RPA3: variants seen among roughly 807,000 people sequenced by gnomAD.
RPA3 encodes the protein replication protein A 14 kDa subunit.
Under a neutral mutation model 13.7 loss-of-function variants are expected in RPA3, and 24 were observed. That is an observed-to-expected ratio of 1.75 (90% confidence interval 1.27 to 2.46). The LOEUF (loss-of-function observed/expected upper bound fraction) is 2.46. Ranked by LOEUF, RPA3 falls within the 30% of genes most tolerant of loss-of-function variation. The pLI is 0.00. For synonymous variants in RPA3, 59 were observed against 51.2 expected, an observed-to-expected ratio of 1.15 and a Z score of -0.65; for missense variants, 183 against 151.0, an observed-to-expected ratio of 1.21 and a Z score of -1.11.
In RPA3 at chr7:7,641,171, TC is replaced by T. The variant is rs1308589900; in HGVS notation, c.-754del. On this transcript the variant is annotated 5_prime_UTR_variant, in exon 5 of 8. An upstream open reading frame in the 5' UTR gains an earlier in-frame stop. Coordinates refer to ENST00000223129, the MANE Select transcript of RPA3 (RefSeq NM_002947.5). ...GCGTCACTCTACTTTCTCCACTTTC[TC>T]CACCTGTAAGAAGAGAGATTGATCC... The T allele has an allele frequency of 2.0e-5, 3 of 152,292 alleles. No individual in the cohort carries two copies. The highest frequency in any genetic ancestry group is 6.5e-5 in the Admixed American group (1 of 15,282). 9.4% of individuals were successfully genotyped at this position (152,292 alleles called of 1,614,324 possible).
At chr7:7,693,857 T>C (rs965534111) in intron 2 of RPA3, among the ~76,000 whole-genome samples, 1 of 152,188 alleles carries the variant, frequency 6.6e-6, no homozygotes, top group Non-Finnish European at 1.5e-5. Context: ...TAATTTTTCC[T>C]CTGTGGTGGG....
chr7:7,691,734 C>T (rs1374380870), intron 2 of RPA3, among the ~76,000 whole-genome samples: 1 of 152,030 alleles, frequency 6.6e-6, no homozygotes, highest in African/African-American at 2.4e-5. Flanking sequence ...CTGACAAATC[C>T]CTAATTTATT....
intron 4 of RPA3, among the ~76,000 whole-genome samples, chr7:7,643,712 A>C (rs1017921964): frequency 2.0e-5 from 1 of 50,814 alleles, no homozygotes; most frequent in African/African-American, 9.2e-5. Context: ...ACTCCCTCTC[A>C]AAAAAAAAAA....
chr7:7,637,224 C>T, intron 7 of RPA3, 142 bp from the exon 8 acceptor site: 2 of 646,662 alleles, frequency 3.1e-6, no homozygotes, highest in South Asian at 3.8e-5. Context: ...ATTATGGATT[C>T]TTGTATTTAA....
chr7:7,640,055 C>T, intron 5 of RPA3: 1 of 481,130 alleles, frequency 2.1e-6, no homozygotes, highest in Non-Finnish European at 3.7e-6. Context: ...TTATAATTTC[C>T]CTTACGTAAG....
chr7:7,672,021 C>A (rs1323215599), intron 4 of RPA3, among the ~76,000 whole-genome samples: 1 of 152,070 alleles, frequency 6.6e-6, no homozygotes, highest in Non-Finnish European at 1.5e-5. Context: ...GGTTCATATC[C>A]TTCTCTGATC....
At chr7:7,676,730 C>T (rs990065935) in intron 4 of RPA3, among the ~76,000 whole-genome samples, 2 of 151,862 alleles carry the variant, frequency 1.3e-5, no homozygotes, top group African/African-American at 4.8e-5. Context: ...TTTCAGAAAA[C>T]TCCTTGATGA....
Position 7,639,035 on chromosome 7 carries a change from TAATATATAAGAGACTTATTAACACTTA to T in RPA3, c.174+8_174+34del. ...CCAAATCAAGATGAAGAATTAACTA[TAATATATAAGAGACTTATTAACACTTA>T]AACATACGGGTTCCATCAACTCGAT... On this transcript the variant is annotated splice_region_variant and intron_variant, in intron 6 of 7. Transcript: ENST00000223129. The T allele has an allele frequency of 6.8e-7, 1 of 1,465,586 alleles. No individual in the cohort carries two copies. The highest frequency in any genetic ancestry group is 9.2e-7 in the Non-Finnish European group (1 of 1,082,346). 90.8% of individuals were successfully genotyped at this position (1,465,586 alleles called of 1,614,324 possible). A position where few individuals can be genotyped will look rare whatever the true frequency, so the allele number is the denominator to read the frequency against.
intron 4 of RPA3, among the ~76,000 whole-genome samples, chr7:7,643,017 T>G (rs1191310149): frequency 2.0e-5 from 3 of 152,224 alleles, no homozygotes; most frequent in Non-Finnish European, 4.4e-5. Context: ...GATCATATTT[T>G]TTTTTCTGTT....
chr7:7,638,065 C>T (rs1784895063), intron 6 of RPA3, 93 bp from the exon 7 acceptor site: 4 of 768,056 alleles, frequency 5.2e-6, no homozygotes, highest in African/African-American at 1.7e-5. Flanking sequence ...TAATCTATCA[C>T]TTCAAGTAAC....
chr7:7,644,142 G>GT (rs1263505183), intron 4 of RPA3, among the ~76,000 whole-genome samples: 4 of 152,026 alleles, frequency 2.6e-5, no homozygotes, highest in African/African-American at 4.8e-5. Context: ...GATATGAAGT[G>GT]TTTTTTTGTC....
chr7:7,704,568 A>G lies in RPA3; in HGVS notation c.-1028+10607T>C, dbSNP rs542647175. 1.5e-3 allele frequency among the ~76,000 whole-genome samples: 222 copies of G among 149,576 alleles called. 1 individual carries two copies. The highest frequency in any genetic ancestry group is 2.5e-3 in the Non-Finnish European group (166 of 67,498). On this transcript the variant is annotated intron_variant, in intron 2 of 7. Coordinates refer to ENST00000223129, the MANE Select transcript of RPA3 (RefSeq NM_002947.5). ...CAGGAGTTCAAGACTAGCCTGGCCA[A>G]TATGGTGAAACCCTGTCTCTACTAA...
At chr7:7,695,407 GTCTT>G (rs1405639611) in intron 2 of RPA3, among the ~76,000 whole-genome samples, 1 of 152,090 alleles carries the variant, frequency 6.6e-6, no homozygotes, top group African/African-American at 2.4e-5. Context: ...TCCTAACCTT[GTCTT>G]TCTGTCTTTT....
intron 4 of RPA3, among the ~76,000 whole-genome samples, chr7:7,664,468 C>T (rs528723923): frequency 3.3e-4 from 50 of 152,286 alleles, no homozygotes; most frequent in Non-Finnish European, 5.9e-4. Context: ...ACTTTCCTGA[C>T]GCTTACAACT....
chr7:7,691,660 A>G (rs1016405364), intron 2 of RPA3, among the ~76,000 whole-genome samples: 8 of 152,224 alleles, frequency 5.3e-5, no homozygotes, highest in Non-Finnish European at 1.2e-4. Context: ...TTTTATCTCT[A>G]AAGTTTTCTT....
intron 4 of RPA3, among the ~76,000 whole-genome samples, chr7:7,658,063 T>C (rs1215678864): frequency 6.6e-6 from 1 of 152,236 alleles, no homozygotes; most frequent in African/African-American, 2.4e-5. Flanking sequence ...TATTTTATTC[T>C]CTGTAGCAAT....
chr7:7,651,191 A>G (rs887392245), intron 4 of RPA3, among the ~76,000 whole-genome samples: 4 of 152,236 alleles, frequency 2.6e-5, no homozygotes, highest in African/African-American at 9.6e-5. Context: ...TCAATAAAAG[A>G]TTTCAAAAAT....
At chr7:7,684,844 T>C (rs1308526243) in intron 4 of RPA3, among the ~76,000 whole-genome samples, 3 of 152,182 alleles carry the variant, frequency 2.0e-5, no homozygotes, top group Non-Finnish European at 4.4e-5. Flanking sequence ...TACAACTATT[T>C]GGGGGTAGTT....
intron 4 of RPA3, among the ~76,000 whole-genome samples, chr7:7,683,363 C>G (rs1190963733): frequency 6.6e-6 from 1 of 151,320 alleles, no homozygotes. Flanking sequence ...CCAGATGATT[C>G]TAGAGTTCAT....
Sources: gnomAD v4.1 joint callset for allele counts (sites outside exome capture counted in the v4.1 genomes callset) on GRCh38, gnomAD v4.1.1 for gene constraint, MANE v1.5 for transcripts, NCBI Gene and HGNC (gene_info 2026-07-23, HGNC 2026-07-21) for gene names.